Variants in SLC14A2 observed in about 807,000 individuals in gnomAD.
SLC14A2 encodes urea transporter 2.
A neutral mutation model predicts 104.6 loss-of-function variants in SLC14A2; 91 were observed. The observed-to-expected ratio is 0.87, with a 90% CI of 0.73 to 1.04. The LOEUF (loss-of-function observed/expected upper bound fraction) is 1.04, where lower values mean the gene tolerates loss of function less well. Among genes scored for constraint, SLC14A2 ranks in the 50% least tolerant of loss-of-function variants. The pLI, the probability that SLC14A2 is intolerant of heterozygous loss-of-function variation, is 0.00. For synonymous variants in SLC14A2, 476 were observed against 466.4 expected, an observed-to-expected ratio of 1.02 and a Z score of -0.27; for missense variants, 1,189 against 1,156.0, an observed-to-expected ratio of 1.03 and a Z score of -0.41.
rs1568228110 is a variant in SLC14A2 at position 45,475,672 on chromosome 18, T to TATATATATATATATAG, written c.-124-7546_-124-7545insGATATATATATATATA. 2.9e-4 allele frequency among the ~76,000 whole-genome samples: 28 copies of TATATATATATATATAG among 97,700 alleles called. 1 individual carries two copies. Among genetic ancestry groups the TATATATATATATATAG allele is most frequent in the East Asian group, 2.4e-3 (9 of 3,724 alleles). The allele number at this position is 97,700 out of a possible 152,430, so 64.1% of individuals were successfully genotyped here. ...ATATATATATATATATATATATATATATATATATATATATATGATAGTTAT... is the reference window on the plus strand; with the variant it reads ...ATATATATATATATATATATATATATATATATATATATATAGATATATATATATATATGATAGTTAT... On this transcript the variant is annotated intron_variant, in intron 1 of 20. Transcript: ENST00000586448.
chr18:45,249,047 G>C (rs2084394933), intron 1 of SLC14A2, among the ~76,000 whole-genome samples: 2 of 152,162 alleles, frequency 1.3e-5, no homozygotes, highest in Non-Finnish European at 2.9e-5. Context: ...AAAGGAGCCA[G>C]CGTCCTTTGG....
chr18:45,465,924 C>T (rs149920760), intron 1 of SLC14A2, among the ~76,000 whole-genome samples: 34 of 152,216 alleles, frequency 2.2e-4, no homozygotes, highest in African/African-American at 7.9e-4. Context: ...AAAGTGTCCT[C>T]CTGACTTCCT....
intron 1 of SLC14A2, among the ~76,000 whole-genome samples, chr18:45,323,487 A>G (rs1413010679): frequency 1.3e-5 from 2 of 152,234 alleles, no homozygotes; most frequent in Non-Finnish European, 2.9e-5. Flanking sequence ...TTTAAGAAGT[A>G]TAAATTCCTA....
chr18:45,678,951 T>TTTC, intron 18 of SLC14A2, 24 bp from the exon 19 acceptor site: 1 of 1,547,654 alleles, frequency 6.5e-7, no homozygotes, highest in Non-Finnish European at 8.7e-7. Flanking sequence ...GGTCTATTTC[T>TTTC]TTCTTTTTTT....
At chr18:45,585,142 TC>T (rs2044548513) in intron 2 of SLC14A2, among the ~76,000 whole-genome samples, 1 of 54,196 alleles carries the variant, frequency 1.8e-5, no homozygotes, top group Non-Finnish European at 4.7e-5. Context: ...CACCATGTCC[TC>T]CTCCTCCTCC....
At chr18:45,311,955 G>A (rs1048378315) in intron 1 of SLC14A2, among the ~76,000 whole-genome samples, 1 of 152,184 alleles carries the variant, frequency 6.6e-6, no homozygotes, top group African/African-American at 2.4e-5. Flanking sequence ...CTGGAGACAA[G>A]CTATGACTAT....
intron 1 of SLC14A2, among the ~76,000 whole-genome samples, chr18:45,363,696 G>A (rs937659000): frequency 2.0e-5 from 3 of 152,204 alleles, no homozygotes; most frequent in Non-Finnish European, 2.9e-5. Flanking sequence ...ATTCCTGAAT[G>A]ACATGGATTA....
intron 1 of SLC14A2, among the ~76,000 whole-genome samples, chr18:45,440,196 T>C (rs1275130141): frequency 1.3e-5 from 2 of 150,816 alleles, no homozygotes; most frequent in East Asian, 3.9e-4. Context: ...GCAAACACTG[T>C]TTCAGAGAAA....
At chr18:45,382,162 T>C (rs1436497545) in intron 1 of SLC14A2, among the ~76,000 whole-genome samples, 1 of 152,152 alleles carries the variant, frequency 6.6e-6, no homozygotes, top group African/African-American at 2.4e-5. Flanking sequence ...CCAGATTCTC[T>C]AGCTCTGAAC....
chr18:45,293,368 G>T (rs1263155993), intron 1 of SLC14A2, among the ~76,000 whole-genome samples: 1 of 152,140 alleles, frequency 6.6e-6, no homozygotes, highest in Non-Finnish European at 1.5e-5. Flanking sequence ...AGTGGTGAAT[G>T]TAATGGACAC....
At chr18:45,212,366 C>T (rs1192615970), upstream of SLC14A2, among the ~76,000 whole-genome samples, 1 of 152,142 alleles carries the variant, frequency 6.6e-6, no homozygotes. Context: ...AATCCAAGCC[C>T]TGTAATTCCT....
intron 2 of SLC14A2, among the ~76,000 whole-genome samples, chr18:45,576,923 T>C (rs1192821860): frequency 6.6e-6 from 1 of 152,140 alleles, no homozygotes; most frequent in Non-Finnish European, 1.5e-5. Flanking sequence ...TGGAAAGGAA[T>C]GGGCAAGGGA....
intron 1 of SLC14A2, among the ~76,000 whole-genome samples, chr18:45,216,795 C>A (rs1483722431): frequency 6.6e-6 from 1 of 152,180 alleles, no homozygotes; most frequent in African/African-American, 2.4e-5. Flanking sequence ...TATTTCCCAC[C>A]TTTGGCCAAG....
rs186406304 is a variant in SLC14A2, at chr18:45,325,090, A to G, written c.-125+111899A>G. The stretch of plus-strand genomic sequence containing the variant: ...TTTTCTCTTCATCATTCAAGCTTGA[A>G]AGGAAACTGTCAGCCTCCACTTGCT... On this transcript the variant is annotated intron_variant, in intron 1 of 20. Transcript: ENST00000586448. Among the ~76,000 whole-genome samples, 11 of 152,302 alleles carry G rather than the reference A, an allele frequency of 7.2e-5. No individual in the cohort carries two copies. In the East Asian group the frequency reaches 2.1e-3, roughly 29 times the overall value.
At chr18:45,491,381 T>C (rs1437231497) in intron 2 of SLC14A2, among the ~76,000 whole-genome samples, 1 of 152,154 alleles carries the variant, frequency 6.6e-6, no homozygotes, top group East Asian at 1.9e-4. Context: ...AACAATGTTA[T>C]CAATCACGTA....
intron 1 of SLC14A2, among the ~76,000 whole-genome samples, chr18:45,217,116 C>T (rs557808983): frequency 6.6e-6 from 1 of 151,814 alleles, no homozygotes; most frequent in African/African-American, 2.4e-5. Flanking sequence ...TCCTCCTTTC[C>T]TTGCACTTCT....
chr18:45,366,198 C>A (rs978962999), intron 1 of SLC14A2, among the ~76,000 whole-genome samples: 1 of 152,128 alleles, frequency 6.6e-6, no homozygotes, highest in African/African-American at 2.4e-5. Context: ...ACTTCCTCAG[C>A]GGAATCCTCT....
At chr18:45,565,966 G>C (rs904856148) in intron 2 of SLC14A2, among the ~76,000 whole-genome samples, 17 of 152,212 alleles carry the variant, frequency 1.1e-4, no homozygotes, top group Admixed American at 2.0e-4. Flanking sequence ...TAGAGTGTCA[G>C]GTGGGGACAT....
chr18:45,346,853 T>C (rs1229882416), intron 1 of SLC14A2, among the ~76,000 whole-genome samples: 1 of 151,944 alleles, frequency 6.6e-6, no homozygotes, highest in African/African-American at 2.4e-5. Flanking sequence ...TCCCAGCTAC[T>C]TGGGAGGCTG....
Sources: gnomAD v4.1 joint callset for allele counts (sites outside exome capture counted in the v4.1 genomes callset) on GRCh38, gnomAD v4.1.1 for gene constraint, MANE v1.5 for transcripts, NCBI Gene and HGNC (gene_info 2026-07-23, HGNC 2026-07-21) for gene names.